Variants in NECAB2 observed in about 807,000 individuals in gnomAD.
NECAB2 encodes N-terminal EF-hand calcium binding protein 2.
NECAB2 carries 68 observed loss-of-function variants against 51.9 expected under a neutral mutation model. The observed-to-expected ratio is 1.31, with a 90% CI of 1.08 to 1.60. The LOEUF (loss-of-function observed/expected upper bound fraction) is 1.60, where lower values mean the gene tolerates loss of function less well. NECAB2 is among the 40% of genes most tolerant of loss of function. The pLI is 0.00. For synonymous variants in NECAB2, 329 were observed against 203.5 expected (o/e 1.62, Z -5.25); for missense variants, 854 against 490.3 (o/e 1.74, Z -7.00).
At chr16:83,967,376 T>TGCCAGGGA (rs2084292552), upstream of NECAB2, among the ~76,000 whole-genome samples, 1 of 87,728 alleles carries the variant, frequency 1.1e-5, no homozygotes, top group African/African-American at 4.4e-5. Context: ...GATGGATGGA[T>TGCCAGGGA]GGGAGGATGG....
Position 84,001,936 on chromosome 16 carries a change from A to G in NECAB2, c.1132+20A>G, listed in dbSNP as rs776044454. 1.2e-5 allele frequency: 20 copies of G among 1,611,086 alleles called. No homozygotes were observed. The highest frequency in any genetic ancestry group is 1.7e-5 in the Non-Finnish European group (20 of 1,178,192). ...TGCCAGGTAGGGGGCAAAGGCCTGG[A>G]ACTGCAGTGGCCACCTGACTGGAGA... On this transcript the variant is annotated intron_variant, in intron 12 of 12. Coordinates refer to ENST00000305202, the MANE Select transcript of NECAB2 (RefSeq NM_019065.3).
intron 1 of NECAB2, among the ~76,000 whole-genome samples, chr16:83,969,724 G>C (rs1190753137): frequency 6.6e-6 from 1 of 152,190 alleles, no homozygotes; most frequent in Non-Finnish European, 1.5e-5. Flanking sequence ...AGGTGGAGGA[G>C]GCTTCTGGGG....
chr16:83,978,476 CTCT>C lies in NECAB2; in HGVS notation c.264_266del (p.Phe89del), dbSNP rs2084443448. Reference sequence around the variant, plus strand: ...GAAGCTGTCCTTGGAGGAATTCCAGCTCTTCTTTGCAGATGGCGTCCTTAATGA... The same window carrying C: ...GAAGCTGTCCTTGGAGGAATTCCAGCTCTTTGCAGATGGCGTCCTTAATGA... On this transcript the variant is annotated inframe_deletion, in exon 3 of 13. Coordinates refer to ENST00000305202, the MANE Select transcript of NECAB2 (RefSeq NM_019065.3). The C allele has an allele frequency of 6.2e-7, 1 of 1,614,022 alleles. No individual in the cohort carries two copies. Among genetic ancestry groups the C allele is most frequent in the Non-Finnish European group, 8.5e-7 (1 of 1,179,986 alleles).
intron 10 of NECAB2, 141 bp from the exon 11 acceptor site, chr16:84,000,583 C>T (rs901220780): frequency 4.8e-6 from 3 of 627,076 alleles, no homozygotes; most frequent in East Asian, 5.4e-5. Context: ...CCTGTCGAGT[C>T]TCGATGGAGG....
chr16:83,981,861 C>A (rs116204460), intron 5 of NECAB2, among the ~76,000 whole-genome samples: 1 of 152,104 alleles, frequency 6.6e-6, no homozygotes, highest in South Asian at 2.1e-4. Context: ...CACAGGTGCT[C>A]GAGGCAGCAG....
At chr16:83,985,459 C>T (rs1294430685) in intron 5 of NECAB2, among the ~76,000 whole-genome samples, 1 of 151,052 alleles carries the variant, frequency 6.6e-6, no homozygotes, top group African/African-American at 2.4e-5. Flanking sequence ...ATGGTGAAAC[C>T]CCGTCTCTAC....
At chr16:84,000,082 G>A (rs1019092214) in intron 10 of NECAB2, among the ~76,000 whole-genome samples, 3 of 151,172 alleles carry the variant, frequency 2.0e-5, no homozygotes, top group African/African-American at 7.3e-5. Context: ...TAAAGAGACA[G>A]TGTTTTGCCA....
chr16:83,994,480 A>G, intron 7 of NECAB2, 60 bp downstream of exon 7: 1 of 1,599,384 alleles, frequency 6.3e-7, no homozygotes. Flanking sequence ...GAGTTCTGAG[A>G]GTCCTCTGAC....
At chr16:83,996,494 T>C (rs1026327427) in intron 8 of NECAB2, among the ~76,000 whole-genome samples, 5 of 152,126 alleles carry the variant, frequency 3.3e-5, no homozygotes, top group African/African-American at 1.2e-4. Context: ...CCTGTGTGAC[T>C]CCCGTAGATG....
At chr16:83,989,533 A>T (rs28527777) in intron 5 of NECAB2, among the ~76,000 whole-genome samples, 13,436 of 152,114 alleles carry the variant, frequency 0.088, 1,519 homozygotes, top group African/African-American at 0.27. Context: ...CTGGGCAGAA[A>T]TCCAAGGTGC....
chr16:83,982,535 C>T (rs77555394), intron 5 of NECAB2, among the ~76,000 whole-genome samples: 1,650 of 152,246 alleles, frequency 0.011, 25 homozygotes, highest in African/African-American at 0.037. Flanking sequence ...TGTGAGGTCA[C>T]CATGTGCTCA....
At chr16:83,972,386 G>C (rs1366799388) in intron 2 of NECAB2, among the ~76,000 whole-genome samples, 2 of 152,212 alleles carry the variant, frequency 1.3e-5, no homozygotes, top group East Asian at 3.9e-4. Context: ...ACTTAGTAGG[G>C]ACAGCTCCAC....
At chr16:83,989,399 T>C (rs1259316565) in intron 5 of NECAB2, among the ~76,000 whole-genome samples, 1 of 152,214 alleles carries the variant, frequency 6.6e-6, no homozygotes, top group Non-Finnish European at 1.5e-5. Flanking sequence ...CTCCTCTGTT[T>C]CTCAGTCTGT....
intron 5 of NECAB2, among the ~76,000 whole-genome samples, chr16:83,986,981 A>C (rs913869528): frequency 6.6e-6 from 1 of 152,208 alleles, no homozygotes; most frequent in African/African-American, 2.4e-5. Context: ...AACCCCCACC[A>C]TGACATACCC....
chr16:83,989,568 G>A (rs1377790746), intron 5 of NECAB2, among the ~76,000 whole-genome samples: 1 of 152,208 alleles, frequency 6.6e-6, no homozygotes, highest in Non-Finnish European at 1.5e-5. Flanking sequence ...TTGGGAAGGC[G>A]GGGTCTTGGC....
intron 6 of NECAB2, among the ~76,000 whole-genome samples, chr16:83,992,945 C>T (rs1038855188): frequency 2.6e-5 from 4 of 152,170 alleles, no homozygotes; most frequent in Non-Finnish European, 5.9e-5. Flanking sequence ...GATAGTATGG[C>T]TGCGCAGTTT....
intron 8 of NECAB2, among the ~76,000 whole-genome samples, chr16:83,995,959 A>G (rs753052884): frequency 6.6e-6 from 1 of 152,194 alleles, no homozygotes; most frequent in Non-Finnish European, 1.5e-5. Context: ...CGCCCTAACA[A>G]CCAGGCTGGC....
At chr16:83,994,516 G>C in intron 7 of NECAB2, 93 bp from the exon 8 acceptor site, 1 of 1,595,484 alleles carries the variant, frequency 6.3e-7, no homozygotes, top group Non-Finnish European at 8.6e-7. Context: ...GAGCAAGTTT[G>C]ATGCCCCTGG....
chr16:83,985,792 C>G (rs924317645), intron 5 of NECAB2, among the ~76,000 whole-genome samples: 50 of 152,088 alleles, frequency 3.3e-4, no homozygotes, highest in African/African-American at 1.2e-3. Context: ...GGTTTCTACT[C>G]TATTTTTTTA....
Sources: allele counts gnomAD v4.1 joint callset (sites outside exome capture counted in the v4.1 genomes callset), GRCh38; gene constraint gnomAD v4.1.1; transcripts MANE v1.5; gene names NCBI Gene and HGNC (gene_info 2026-07-23, HGNC 2026-07-21).